Variants in C4orf51 observed in about 807,000 individuals in gnomAD.
The protein encoded by C4orf51 is uncharacterized protein C4orf51.
C4orf51 carries 25 observed loss-of-function variants against 25.2 expected under a neutral mutation model. That is an observed-to-expected ratio of 0.99 (90% CI 0.72 to 1.39). C4orf51 has a LOEUF of 1.39. C4orf51 is among the 40% of genes most tolerant of loss of function. C4orf51 has a pLI of 0.00. For synonymous variants in C4orf51, 100 were observed against 84.5 expected (o/e 1.18, Z -1.01); for missense variants, 252 against 239.6 (o/e 1.05, Z -0.34).
At chr4:145,757,990 T>A (rs1229576449), downstream of C4orf51, 1 of 152,188 alleles carries the variant, frequency 6.6e-6, no homozygotes, top group African/African-American at 2.4e-5. Flanking sequence ...TAGTGTTTTA[T>A]ACGGAAAGGA....
At chr4:145,752,422 A>C (rs983542059) in intron 1 of C4orf51, among the ~76,000 whole-genome samples, 1 of 152,204 alleles carries the variant, frequency 6.6e-6, no homozygotes, top group Non-Finnish European at 1.5e-5. Flanking sequence ...TTTCTGGCCC[A>C]GGATGTGTCT....
chr4:145,789,494 AT>A, the C4orf51 span, among the ~76,000 whole-genome samples: 13 of 152,332 alleles, frequency 8.5e-5, no homozygotes, highest in South Asian at 2.5e-3. Flanking sequence ...CACATATTTA[AT>A]ATTTAACCTT....
chr4:145,687,738 T>C (rs1729262825), intron 1 of C4orf51, among the ~76,000 whole-genome samples: 1 of 152,162 alleles, frequency 6.6e-6, no homozygotes, highest in Non-Finnish European at 1.5e-5. Context: ...AGGTTATGCT[T>C]CTCAAATGGA....
downstream of C4orf51, among the ~76,000 whole-genome samples, chr4:145,772,955 GTCCA>G: frequency 6.6e-6 from 1 of 152,330 alleles, no homozygotes; most frequent in African/African-American, 2.4e-5. Flanking sequence ...ATGATGACAA[GTCCA>G]GCTTCTGCCT....
At chr4:145,693,158 T>C (rs1293634451) in intron 1 of C4orf51, among the ~76,000 whole-genome samples, 1 of 148,452 alleles carries the variant, frequency 6.7e-6, no homozygotes, top group Non-Finnish European at 1.5e-5. Flanking sequence ...TCTCTGGTTT[T>C]CCTAGGCAGA....
intron 2 of C4orf51, among the ~76,000 whole-genome samples, chr4:145,711,410 AT>A (rs1731120354): frequency 6.6e-6 from 1 of 152,106 alleles, no homozygotes; most frequent in Non-Finnish European, 1.5e-5. Context: ...CTGTTTGGGA[AT>A]TTTTTATCTT....
intron 2 of C4orf51, among the ~76,000 whole-genome samples, chr4:145,700,972 G>C (rs927703564): frequency 3.3e-5 from 5 of 152,136 alleles, no homozygotes; most frequent in Non-Finnish European, 1.5e-5. Flanking sequence ...CATAGTCGAG[G>C]TTAATGCTCC....
intron 2 of C4orf51, among the ~76,000 whole-genome samples, chr4:145,720,322 C>T (rs1047072912): frequency 1.5e-4 from 23 of 152,258 alleles, no homozygotes; most frequent in African/African-American, 5.3e-4. Flanking sequence ...CTCTCCAAGG[C>T]CTCCTCTGTT....
intron 1 of C4orf51, among the ~76,000 whole-genome samples, chr4:145,743,422 T>G (rs1198085664): frequency 6.6e-6 from 1 of 152,114 alleles, no homozygotes; most frequent in East Asian, 1.9e-4. Flanking sequence ...CGGGCTTAAC[T>G]CATCTTTTTA....
chr4:145,693,788 C>T (rs1211638109), intron 1 of C4orf51, among the ~76,000 whole-genome samples: 1 of 75,372 alleles, frequency 1.3e-5, no homozygotes, highest in African/African-American at 5.6e-5. Flanking sequence ...TAGGGGCGGC[C>T]GGGCAGAGGC....
intron 1 of C4orf51, among the ~76,000 whole-genome samples, chr4:145,745,453 C>T (rs1337419826): frequency 6.6e-6 from 1 of 151,832 alleles, no homozygotes; most frequent in Non-Finnish European, 1.5e-5. Context: ...TTTTAGATCC[C>T]ACAAATATGT....
At chr4:145,749,855 C>T (rs999524057) in intron 1 of C4orf51, among the ~76,000 whole-genome samples, 19 of 152,144 alleles carry the variant, frequency 1.2e-4, no homozygotes, top group African/African-American at 3.1e-4. Flanking sequence ...AGGATGGTCT[C>T]GATCTCCTGA....
intron 3 of C4orf51, among the ~76,000 whole-genome samples, chr4:145,728,953 C>T (rs980882475): frequency 2.0e-5 from 3 of 151,206 alleles, no homozygotes; most frequent in African/African-American, 4.9e-5. Context: ...GCTATGTTGC[C>T]CTGGCTGGCT....
In C4orf51 at chr4:145,762,356, G is replaced by A. The variant is rs1164358697; in HGVS notation, n.167-8632G>A. ...GAAGGGAGGAGGGAGGGAGACAACT[G>A]CTATCTGGAGCTCGAAGACATTATT... On this transcript the variant is annotated intron_variant and non_coding_transcript_variant, in intron 1 of 1. Transcript: ENST00000510096. The surrounding 1 kb of genome is among the most constrained non-coding windows in gnomAD (Gnocchi z 4.9). Among the ~76,000 whole-genome samples the A allele has an allele frequency of 6.6e-6, 1 of 152,182 alleles. No homozygotes were observed. The highest frequency in any genetic ancestry group is 1.5e-5 in the Non-Finnish European group (1 of 68,038).
chr4:145,787,480 A>G, the C4orf51 span, among the ~76,000 whole-genome samples: 6 of 151,948 alleles, frequency 3.9e-5, no homozygotes, highest in African/African-American at 7.3e-5. Context: ...AAAAAAAAAA[A>G]AAAAGAAATA....
chr4:145,718,379 T>C (rs1238002477), intron 2 of C4orf51, among the ~76,000 whole-genome samples: 3 of 152,262 alleles, frequency 2.0e-5, no homozygotes, highest in Non-Finnish European at 4.4e-5. Context: ...TAGGAAAATA[T>C]TGACAAGAAC....
chr4:145,736,033 C>T (rs1375484133), downstream of C4orf51, among the ~76,000 whole-genome samples: 2 of 151,836 alleles, frequency 1.3e-5, no homozygotes, highest in Non-Finnish European at 2.9e-5. Context: ...ATATTTAGGC[C>T]CTCTCCTCCC....
rs145240428 is a variant in C4orf51 at position 145,729,626 on chromosome 4, T to C, written c.428-266T>C. Among the ~76,000 whole-genome samples, 69 of 152,258 alleles carry C rather than the reference T, an allele frequency of 4.5e-4. No homozygotes were observed. In the East Asian group the frequency reaches 0.013, roughly 29 times the overall value. On this transcript the variant is annotated intron_variant, in intron 4 of 5. Coordinates refer to ENST00000438731, the MANE Select transcript of C4orf51 (RefSeq NM_001080531.3). ...CTTTCATGTGATATTTTCATACCTT[T>C]TGCATTTCTGCTTCCTTCCTCCTGG...
At position 145,765,683 on chromosome 4, in the gene C4orf51, T is replaced by C. The variant is rs1021585929; in HGVS notation, n.167-5305T>C. 1 of 1,614,106 alleles carries C rather than the reference T, an allele frequency of 6.2e-7. No homozygotes were observed. ...TGCTGTTGGCTGAATCACTCAGAGC[T>C]GAGAGGGAGGATGAAGAGGGGCTAT... On this transcript the variant is annotated intron_variant and non_coding_transcript_variant, in intron 1 of 1. Transcript: ENST00000510096. The surrounding 1 kb of genome is among the most constrained non-coding windows in gnomAD (Gnocchi z 4.7).
Sources: allele counts gnomAD v4.1 joint callset (sites outside exome capture counted in the v4.1 genomes callset), GRCh38; gene constraint gnomAD v4.1.1; non-coding constraint Gnocchi (gnomAD v3.1); transcripts MANE v1.5; gene names NCBI Gene and HGNC (gene_info 2026-07-23, HGNC 2026-07-21).